Variants in RYR2 observed in about 807,000 individuals in gnomAD.
The protein encoded by RYR2 is cardiac muscle ryanodine receptor-calcium release channel.
RYR2 carries 227 observed loss-of-function variants against 601.1 expected under a neutral mutation model. That is an observed-to-expected ratio of 0.38 (90% confidence interval 0.34 to 0.42). The LOEUF (loss-of-function observed/expected upper bound fraction) is 0.42. RYR2 is among the 10% of genes least tolerant of loss of function. The pLI is 1.00. For synonymous variants in RYR2, 2,223 were observed against 2,175.1 expected (o/e 1.02, Z -0.61); for missense variants, 4,646 against 6,156.5 (o/e 0.75, Z 8.21).
rs146712883 is a variant in RYR2 at position 237,330,752 on chromosome 1, G to A, written c.169-126G>A. ...TAATGACAGTGTTTCTTGATGACTG[G>A]GGAACTTGCAGTAGAAAGTTGACAA... On this transcript the variant is annotated intron_variant, in intron 2 of 104. Transcript: ENST00000366574. 10,270 of 725,462 alleles carry A rather than the reference G, an allele frequency of 0.014. 201 individuals are homozygous for A. Among genetic ancestry groups the A allele is most frequent in the Admixed American group, 0.068 (3,374 of 49,828 alleles). The allele number at this position is 725,462 out of a possible 1,614,324, so 44.9% of individuals were successfully genotyped here.
At chr1:237,326,111 T>C (rs952864140) in intron 2 of RYR2, among the ~76,000 whole-genome samples, 2 of 152,090 alleles carry the variant, frequency 1.3e-5, no homozygotes, top group Admixed American at 1.3e-4. Flanking sequence ...GGAAGCCAAG[T>C]AGTTGATGGA....
In RYR2 at chr1:237,792,989, T is replaced by C. The variant is rs145334181; in HGVS notation, c.13782+666T>C. ...CCCCAGAGGCCTGCCAAGGGAACAA[T>C]ATAATTTGGTGAATAGAACCCAAGA... is the stretch of plus-strand genomic sequence containing the variant. On this transcript the variant is annotated intron_variant, in intron 94 of 104. Transcript: ENST00000366574. Among the ~76,000 whole-genome samples, 3 of 152,296 alleles carry C rather than the reference T, an allele frequency of 2.0e-5. No individual in the cohort carries two copies. The East Asian group carries it at 5.8e-4, about 29-fold the overall frequency.
chr1:237,081,535 A>T (rs1205878525), intron 1 of RYR2, among the ~76,000 whole-genome samples: 1 of 151,698 alleles, frequency 6.6e-6, no homozygotes, highest in Non-Finnish European at 1.5e-5. Flanking sequence ...ATATACATGC[A>T]TGTATACATA....
intron 11 of RYR2, among the ~76,000 whole-genome samples, chr1:237,422,747 C>A (rs1705724058): frequency 6.6e-6 from 1 of 152,132 alleles, no homozygotes; most frequent in Admixed American, 6.5e-5. Flanking sequence ...GCATTATTTG[C>A]ATTAGAGCTT....
At chr1:237,213,208 C>T (rs549038819) in intron 1 of RYR2, among the ~76,000 whole-genome samples, 2 of 150,442 alleles carry the variant, frequency 1.3e-5, no homozygotes, top group African/African-American at 2.5e-5. Context: ...CACAGAGTCT[C>T]GCTCTGTCAT....
chr1:237,623,028 A>C (rs1679233878), intron 38 of RYR2, among the ~76,000 whole-genome samples: 1 of 152,204 alleles, frequency 6.6e-6, no homozygotes, highest in Non-Finnish European at 1.5e-5. Flanking sequence ...CTTCTCAAAA[A>C]GAGTTCTTGT....
At chr1:237,567,972 TG>T (rs1055533564) in intron 28 of RYR2, among the ~76,000 whole-genome samples, 1 of 114,920 alleles carries the variant, frequency 8.7e-6, no homozygotes, top group Non-Finnish European at 1.9e-5. Flanking sequence ...TTTGGGGGGT[TG>T]GGGGGCGGTC....
intron 25 of RYR2, among the ~76,000 whole-genome samples, chr1:237,542,235 A>T (rs539792074): frequency 6.6e-6 from 1 of 152,024 alleles, no homozygotes; most frequent in Non-Finnish European, 1.5e-5. Context: ...CTGGGATTGG[A>T]GGCATGCATC....
At chr1:237,781,034 T>C (rs1695062188) in intron 88 of RYR2, among the ~76,000 whole-genome samples, 2 of 152,098 alleles carry the variant, frequency 1.3e-5, no homozygotes, top group Non-Finnish European at 2.9e-5. Context: ...GCTATATATG[T>C]TCATTGTCGG....
chr1:237,294,107 G>C lies in RYR2; in HGVS notation c.168+23491G>C, dbSNP rs185135580. On this transcript the variant is annotated intron_variant, in intron 2 of 104. Transcript: ENST00000366574. The stretch of plus-strand genomic sequence containing the variant: ...AGGGATTTTAGGAGCTCTGTGTCAG[G>C]AACTAGGGTCAAAGACCAAATATCA... Among the ~76,000 whole-genome samples, 7 of 152,254 alleles carry C rather than the reference G, an allele frequency of 4.6e-5. No homozygotes were observed. The East Asian group carries it at 1.2e-3, about 25-fold the overall frequency.
intron 15 of RYR2, among the ~76,000 whole-genome samples, chr1:237,455,025 T>A (rs1658638560): frequency 6.6e-6 from 1 of 152,144 alleles, no homozygotes; most frequent in African/African-American, 2.4e-5. Context: ...AGGAGAGGGC[T>A]ACCGGAGTAG....
intron 1 of RYR2, among the ~76,000 whole-genome samples, chr1:237,253,911 T>C (rs1402027809): frequency 1.3e-5 from 2 of 152,218 alleles, no homozygotes; most frequent in East Asian, 3.8e-4. Flanking sequence ...GATAATTTAA[T>C]AGGTTGGCCA....
In RYR2 at chr1:237,432,210, T is replaced by TTTA. The variant is rs5781958; in HGVS notation, c.1005+8962_1005+8963insTTA. 3.5e-3 allele frequency among the ~76,000 whole-genome samples: 449 copies of TTTA among 128,672 alleles called. 3 individuals are homozygous for TTTA. The highest frequency in any genetic ancestry group is 0.013 in the African/African-American group (432 of 33,540). 84.4% of individuals were successfully genotyped at this position (128,672 alleles called of 152,430 possible). On this transcript the variant is annotated intron_variant, in intron 12 of 104. Transcript: ENST00000366574. The stretch of plus-strand genomic sequence containing the variant: ...CAGAGCAATGACTTTAGGCTTTTTT[T>TTTA]AAAAAAAAATGCCTTTTACAGTTTA...
intron 33 of RYR2, among the ~76,000 whole-genome samples, chr1:237,594,490 C>T (rs1675580944): frequency 6.6e-6 from 1 of 152,066 alleles, no homozygotes; most frequent in African/African-American, 2.4e-5. Flanking sequence ...ACAAAAAAAC[C>T]ACATGTCTCC....
At chr1:237,301,466 T>C (rs1177537748) in intron 2 of RYR2, among the ~76,000 whole-genome samples, 1 of 152,198 alleles carries the variant, frequency 6.6e-6, no homozygotes, top group Non-Finnish European at 1.5e-5. Context: ...TGTTTGTCCT[T>C]ACAATTGCAA....
intron 1 of RYR2, among the ~76,000 whole-genome samples, chr1:237,228,139 C>T (rs1022374225): frequency 6.6e-6 from 1 of 152,134 alleles, no homozygotes; most frequent in African/African-American, 2.4e-5. Context: ...CACCCTTTCC[C>T]CACAAGTCCC....
chr1:237,799,233 T>C (rs1659655502), intron 97 of RYR2, among the ~76,000 whole-genome samples: 1 of 152,154 alleles, frequency 6.6e-6, no homozygotes. Flanking sequence ...GCCTGTAAAA[T>C]GAAACACCGA....
chr1:237,209,072 A>G lies in RYR2; in HGVS notation c.49-61425A>G, dbSNP rs181960569. On this transcript the variant is annotated intron_variant, in intron 1 of 104. Transcript: ENST00000366574. ...TATAACATATGTATGTAACACTTATATATAAAAATATAGGTATACATGTGT... is the reference window on the plus strand; with the variant it reads ...TATAACATATGTATGTAACACTTATGTATAAAAATATAGGTATACATGTGT... Among the ~76,000 whole-genome samples, 343 of 132,360 alleles carry G rather than the reference A, an allele frequency of 2.6e-3. 5 individuals carry two copies. The highest frequency in any genetic ancestry group is 7.3e-3 in the African/African-American group (273 of 37,462). The allele number at this position is 132,360 out of a possible 152,430, so 86.8% of individuals were successfully genotyped here.
chr1:237,305,412 T>C (rs765363158), intron 2 of RYR2, among the ~76,000 whole-genome samples: 2 of 152,094 alleles, frequency 1.3e-5, no homozygotes, highest in Non-Finnish European at 2.9e-5. Flanking sequence ...ATGTTTCTAG[T>C]TATATAAAGG....
Sources: gnomAD v4.1 joint callset for allele counts (sites outside exome capture counted in the v4.1 genomes callset) on GRCh38, gnomAD v4.1.1 for gene constraint, MANE v1.5 for transcripts, NCBI Gene and HGNC (gene_info 2026-07-23, HGNC 2026-07-21) for gene names.